The following SLC35F5 variants were observed in gnomAD, a reference collection of about 807,000 sequenced individuals.
SLC35F5 encodes the protein solute carrier family 35 member F5, also known as HCV NS5A-transactivated protein 3.
In SLC35F5, 54 loss-of-function variants were observed where a neutral mutation model predicts 68.6. The observed-to-expected ratio is 0.79, with a 90% CI of 0.63 to 0.99. The LOEUF (loss-of-function observed/expected upper bound fraction) is 0.99. Ranked by LOEUF, SLC35F5 falls within the 50% of genes least tolerant of loss-of-function variation. The pLI, the probability that SLC35F5 is intolerant of heterozygous loss-of-function variation, is 0.00. For missense variants in SLC35F5, 567 were observed against 626.9 expected (o/e 0.90, Z 1.02); for synonymous variants, 211 against 205.2 (o/e 1.03, Z -0.24).
chr2:113,736,141 T>A (rs529283975), intron 7 of SLC35F5, among the ~76,000 whole-genome samples: 37 of 151,854 alleles, frequency 2.4e-4, no homozygotes, highest in African/African-American at 8.7e-4. Flanking sequence ...ATCAAATCAA[T>A]TTAAAAATTT....
In SLC35F5 at chr2:113,708,075, TTCC is replaced by T. The variant is rs144728951; in HGVS notation, c.*7140_*7142del. Among the ~76,000 whole-genome samples the T allele has an allele frequency of 0.057, 8,665 of 152,188 alleles. 332 individuals carry two copies. Among genetic ancestry groups the T allele is most frequent in the South Asian group, 0.13 (612 of 4,818 alleles). On this transcript the variant is annotated 3_prime_UTR_variant, in exon 16 of 16. Transcript: ENST00000245680. ...AATGCAATTGCAGTATCCAAGGAAATTCCTCCCACCCATGCCACCAGTGCTCAT... is the reference window on the plus strand; with the variant it reads ...AATGCAATTGCAGTATCCAAGGAAATTCCCACCCATGCCACCAGTGCTCAT...
At chr2:113,755,027 C>G in intron 3 of SLC35F5, 138 bp downstream of exon 3, 2 of 755,138 alleles carry the variant, frequency 2.6e-6, no homozygotes, top group Middle Eastern at 2.5e-4. Context: ...GGCAATAATT[C>G]AACGTTTTTT....
At chr2:113,721,297 A>G (rs1282747372) in intron 13 of SLC35F5, 2 of 151,656 alleles carry the variant, frequency 1.3e-5, no homozygotes, top group Non-Finnish European at 2.9e-5. Flanking sequence ...CTGACTGCCC[A>G]GTTCTAGATA....
In SLC35F5 at chr2:113,754,594, T is replaced by C. The variant is rs114190214; in HGVS notation, c.273+571A>G. Among the ~76,000 whole-genome samples, 752 of 152,172 alleles carry C rather than the reference T, an allele frequency of 4.9e-3. 8 individuals are homozygous for C. Among genetic ancestry groups the C allele is most frequent in the African/African-American group, 0.016 (669 of 41,520 alleles). The stretch of plus-strand genomic sequence containing the variant: ...ATTCAAAATGCCACATTACTACCAA[T>C]AGGTCATCAATAAAGACACAATTTA... On this transcript the variant is annotated intron_variant, in intron 3 of 15. Coordinates refer to ENST00000245680, the MANE Select transcript of SLC35F5 (RefSeq NM_025181.5).
chr2:113,734,169 C>A (rs770195970), intron 9 of SLC35F5, among the ~76,000 whole-genome samples: 5 of 152,090 alleles, frequency 3.3e-5, no homozygotes, highest in Non-Finnish European at 7.4e-5. Context: ...TCACCTGAGG[C>A]TTAGACAATT....
At chr2:113,753,331 A>G (rs1209544630) in intron 3 of SLC35F5, among the ~76,000 whole-genome samples, 1 of 151,242 alleles carries the variant, frequency 6.6e-6, no homozygotes, top group African/African-American at 2.4e-5. Flanking sequence ...GGCACCCACC[A>G]CCACACCCAG....
At chr2:113,723,655 A>G (rs1312141437) in intron 12 of SLC35F5, among the ~76,000 whole-genome samples, 1 of 152,202 alleles carries the variant, frequency 6.6e-6, no homozygotes, top group African/African-American at 2.4e-5. Context: ...ACCTTCATGA[A>G]CACTAAAATC....
chr2:113,728,421 T>G (rs1438536945), intron 11 of SLC35F5, among the ~76,000 whole-genome samples: 1 of 152,202 alleles, frequency 6.6e-6, no homozygotes, highest in Non-Finnish European at 1.5e-5. Flanking sequence ...ATCACAGGCG[T>G]GAGCCACAAT....
chr2:113,749,632 T>G lies in SLC35F5; in HGVS notation c.417+793A>C, dbSNP rs1435817253. 5.9e-5 allele frequency among the ~76,000 whole-genome samples: 9 copies of G among 152,244 alleles called. No homozygotes were observed. In the East Asian group the frequency reaches 1.7e-3, roughly 29 times the overall value. ...AGACAGAAAATAATACAGTGGTTAC[T>G]AGGGTTTGGAGGGAAGAATGAATAG... On this transcript the variant is annotated intron_variant, in intron 4 of 15. Coordinates refer to ENST00000245680, the MANE Select transcript of SLC35F5 (RefSeq NM_025181.5).
At chr2:113,734,694 A>T (rs780673936) in intron 8 of SLC35F5, 21 bp from the exon 9 acceptor site, 1 of 1,465,042 alleles carries the variant, frequency 6.8e-7, no homozygotes, top group Non-Finnish European at 9.5e-7. Context: ...AAAAGAATTT[A>T]AAAATGGTAC....
downstream of SLC35F5, chr2:113,705,203 A>C (rs1170430257): frequency 6.6e-6 from 1 of 152,260 alleles, no homozygotes; most frequent in Non-Finnish European, 1.5e-5. Flanking sequence ...CAGCAGGTAG[A>C]AACTGGGACT....
chr2:113,743,587 C>G, intron 6 of SLC35F5, 126 bp downstream of exon 6: 1 of 623,570 alleles, frequency 1.6e-6, no homozygotes, highest in Non-Finnish European at 2.8e-6. Context: ...TTCTAGAAGA[C>G]TATAGGCTGA....
At chr2:113,741,960 A>G (rs2104460896) in intron 7 of SLC35F5, 1 of 152,304 alleles carries the variant, frequency 6.6e-6, no homozygotes, top group Non-Finnish European at 1.5e-5. Context: ...TAAGATGCTC[A>G]GTACAAATTT....
At chr2:113,725,710 GA>G (rs1468770050) in intron 11 of SLC35F5, 173 bp from the exon 12 acceptor site, 15 of 470,660 alleles carry the variant, frequency 3.2e-5, no homozygotes, top group Middle Eastern at 5.9e-4. Flanking sequence ...CAACGCCATA[GA>G]AAAAAAAACT....
At chr2:113,753,926 T>C (rs1676859846) in intron 3 of SLC35F5, among the ~76,000 whole-genome samples, 1 of 152,050 alleles carries the variant, frequency 6.6e-6, no homozygotes, top group South Asian at 2.1e-4. Flanking sequence ...TAAAAGAAGG[T>C]TAGAGAAGAG....
chr2:113,704,210 T>C (rs976411140), downstream of SLC35F5: 1 of 152,296 alleles, frequency 6.6e-6, no homozygotes, highest in African/African-American at 2.4e-5. Context: ...TATTCTCTTA[T>C]CTGGCCCCAC....
At chr2:113,751,703 T>C (rs1268038274) in intron 3 of SLC35F5, among the ~76,000 whole-genome samples, 2 of 151,812 alleles carry the variant, frequency 1.3e-5, no homozygotes, top group African/African-American at 4.8e-5. Context: ...CCAGGTACTC[T>C]GGAGGCTGAG....
intron 12 of SLC35F5, among the ~76,000 whole-genome samples, chr2:113,724,396 A>C (rs1687578741): frequency 6.6e-6 from 1 of 152,234 alleles, no homozygotes. Flanking sequence ...CTAAAGATGA[A>C]AAAATTAATG....
At chr2:113,731,675 G>A (rs3762491) in intron 9 of SLC35F5, 27 bp from the exon 10 acceptor site, 24,990 of 1,562,620 alleles carry the variant, frequency 0.016, 646 homozygotes, top group African/African-American at 0.12. Context: ...CATTAATGAT[G>A]AGCTAAAGAA....
Sources: allele counts gnomAD v4.1 joint callset (sites outside exome capture counted in the v4.1 genomes callset), GRCh38; gene constraint gnomAD v4.1.1; transcripts MANE v1.5; gene names NCBI Gene and HGNC (gene_info 2026-07-23, HGNC 2026-07-21).